MCU: variants seen among roughly 807,000 people sequenced by gnomAD.
MCU encodes calcium uniporter protein, mitochondrial.
A neutral mutation model predicts 45.2 loss-of-function variants in MCU; 12 were observed. The ratio of observed to expected loss-of-function variants is 0.27; its 90% CI spans 0.17 to 0.43. The LOEUF is 0.43. Ranked by LOEUF, MCU falls within the 20% of genes least tolerant of loss-of-function variation. The probability of loss-of-function intolerance (pLI) is 1.00; values close to 1 mark genes in which losing one functional copy is unlikely to be tolerated. For missense variants in MCU, 324 were observed against 436.7 expected (o/e 0.74, Z 2.30); for synonymous variants, 160 against 165.1 (o/e 0.97, Z 0.24).
chr10:72,732,165 T>C (rs555546368), intron 1 of MCU, among the ~76,000 whole-genome samples: 25 of 152,346 alleles, frequency 1.6e-4, no homozygotes, highest in Admixed American at 8.5e-4. Context: ...TGGCATCTCA[T>C]TGTGGTTTTG....
chr10:72,742,484 A>G (rs1183680471), intron 1 of MCU, among the ~76,000 whole-genome samples: 1 of 152,010 alleles, frequency 6.6e-6, no homozygotes, highest in Non-Finnish European at 1.5e-5. Context: ...TCATTCAGCT[A>G]TTTTTTTAGA....
intron 1 of MCU, among the ~76,000 whole-genome samples, chr10:72,729,952 C>CTT (rs58668483): frequency 6.4e-4 from 58 of 90,508 alleles, no homozygotes; most frequent in East Asian, 2.3e-3. Context: ...CTTCAGCATT[C>CTT]TTTTTTTTTT....
intron 1 of MCU, among the ~76,000 whole-genome samples, chr10:72,702,231 A>G (rs928870829): frequency 2.5e-4 from 38 of 151,718 alleles, no homozygotes; most frequent in African/African-American, 9.2e-4. Context: ...AGCCTGGGCG[A>G]CAGAGCAAAA....
intron 1 of MCU, among the ~76,000 whole-genome samples, chr10:72,810,000 G>T (rs1164460245): frequency 8.2e-6 from 1 of 122,590 alleles, no homozygotes; most frequent in Non-Finnish European, 2.1e-5. Context: ...GCAGGCTTCT[G>T]TGTGTGCATG....
chr10:72,743,463 T>G (rs533559813), intron 1 of MCU, among the ~76,000 whole-genome samples: 1 of 149,258 alleles, frequency 6.7e-6, no homozygotes, highest in Non-Finnish European at 1.5e-5. Context: ...TATATCTTTA[T>G]GGGGGGGAGA....
intron 1 of MCU, among the ~76,000 whole-genome samples, chr10:72,816,509 A>G (rs567239434): frequency 5.8e-4 from 89 of 152,362 alleles, no homozygotes; most frequent in African/African-American, 2.1e-3. Context: ...AGCAGGGCAC[A>G]GTGGCTCACA....
intron 1 of MCU, among the ~76,000 whole-genome samples, chr10:72,790,947 T>C (rs771927881): frequency 6.6e-6 from 1 of 152,212 alleles, no homozygotes; most frequent in African/African-American, 2.4e-5. Context: ...TTGGAAGCAT[T>C]TTAAAATCTT....
intron 1 of MCU, among the ~76,000 whole-genome samples, chr10:72,780,638 A>G (rs528134589): frequency 2.0e-5 from 3 of 151,762 alleles, no homozygotes; most frequent in African/African-American, 7.2e-5. Flanking sequence ...CATAGCAGGA[A>G]CACCAGGGCT....
chr10:72,806,935 A>G (rs1844462219), intron 1 of MCU, among the ~76,000 whole-genome samples: 1 of 152,210 alleles, frequency 6.6e-6, no homozygotes, highest in African/African-American at 2.4e-5. Flanking sequence ...CCTGGGACAT[A>G]AGGATTGAGG....
intron 1 of MCU, among the ~76,000 whole-genome samples, chr10:72,831,952 C>T (rs1045809993): frequency 6.6e-6 from 1 of 151,900 alleles, no homozygotes; most frequent in Non-Finnish European, 1.5e-5. Flanking sequence ...TTTCAAAGGC[C>T]GTTAAAAGAA....
rs139855818 is a variant in MCU at position 72,833,314 on chromosome 10, C to T, written c.151-1045C>T. Reference sequence around the variant, plus strand: ...TTCCTAATGAATCAAAGATTTAAAACGAAACTAGCTGTGAGCCAAGTCTCA... The same window carrying T: ...TTCCTAATGAATCAAAGATTTAAAATGAAACTAGCTGTGAGCCAAGTCTCA... On this transcript the variant is annotated intron_variant, in intron 1 of 7. Coordinates refer to ENST00000373053, the MANE Select transcript of MCU (RefSeq NM_138357.3). Among the ~76,000 whole-genome samples the T allele has an allele frequency of 3.0e-3, 459 of 152,220 alleles. 4 individuals carry two copies. The highest frequency in any genetic ancestry group is 0.01 in the African/African-American group (430 of 41,548).
chr10:72,818,237 T>G (rs1185532607), intron 1 of MCU, among the ~76,000 whole-genome samples: 1 of 152,202 alleles, frequency 6.6e-6, no homozygotes, highest in Admixed American at 6.5e-5. Flanking sequence ...GCTTCAAAGC[T>G]AGGATTAGTG....
intron 2 of MCU, among the ~76,000 whole-genome samples, chr10:72,837,296 A>G (rs967524447): frequency 3.9e-4 from 60 of 152,220 alleles, no homozygotes; most frequent in African/African-American, 1.2e-3. Context: ...TTTGCATACA[A>G]TTTTATAGTG....
At chr10:72,758,314 C>T (rs1843606729) in intron 1 of MCU, among the ~76,000 whole-genome samples, 2 of 152,226 alleles carry the variant, frequency 1.3e-5, no homozygotes, top group Admixed American at 6.5e-5. Context: ...GCTGGTACTA[C>T]AGCCACATGC....
intron 1 of MCU, among the ~76,000 whole-genome samples, chr10:72,782,257 G>A (rs1239421183): frequency 6.6e-6 from 1 of 152,074 alleles, no homozygotes; most frequent in Non-Finnish European, 1.5e-5. Flanking sequence ...TAGAGTGCCC[G>A]GTACCTTCAT....
At chr10:72,805,101 C>CTCATTCTT (rs1554824915) in intron 1 of MCU, among the ~76,000 whole-genome samples, 5 of 103,398 alleles carry the variant, frequency 4.8e-5, no homozygotes, top group Admixed American at 1.1e-4. Flanking sequence ...TTCTTTCTTT[C>CTCATTCTT]TCTTTCTTTC....
At chr10:72,813,010 G>A (rs1844568177) in intron 1 of MCU, among the ~76,000 whole-genome samples, 2 of 152,132 alleles carry the variant, frequency 1.3e-5, no homozygotes, top group Non-Finnish European at 2.9e-5. Flanking sequence ...TAAATAACAT[G>A]AGGGTTCCTT....
At chr10:72,859,565 A>G (rs1318258019) in intron 3 of MCU, among the ~76,000 whole-genome samples, 1 of 152,202 alleles carries the variant, frequency 6.6e-6, no homozygotes, top group Non-Finnish European at 1.5e-5. Context: ...ATGTGTATGC[A>G]CAGGGAATCT....
chr10:72,725,018 G>A (rs540130333), intron 1 of MCU, among the ~76,000 whole-genome samples: 2 of 152,260 alleles, frequency 1.3e-5, no homozygotes, highest in African/African-American at 2.4e-5. Context: ...ATAGTGCAGT[G>A]GCACAAGCAT....
Sources: gnomAD v4.1 joint callset for allele counts (sites outside exome capture counted in the v4.1 genomes callset) on GRCh38, gnomAD v4.1.1 for gene constraint, MANE v1.5 for transcripts, NCBI Gene and HGNC (gene_info 2026-07-23, HGNC 2026-07-21) for gene names.